MCM2: variants seen among roughly 807,000 people sequenced by gnomAD.
MCM2 encodes the protein minichromosome maintenance complex component 2, also known as DNA replication licensing factor MCM2.
In MCM2, 49 loss-of-function variants were observed where a neutral mutation model predicts 86.4. The observed-to-expected ratio is 0.57, with a 90% CI of 0.45 to 0.72. The LOEUF (loss-of-function observed/expected upper bound fraction) is 0.72. MCM2 is among the 30% of genes least tolerant of loss of function. MCM2 has a pLI of 0.00. For missense variants in MCM2, 1,038 were observed against 1,259.9 expected, an observed-to-expected ratio of 0.82 and a Z score of 2.67; for synonymous variants, 475 against 484.6, an observed-to-expected ratio of 0.98 and a Z score of 0.26.
At position 127,606,372 on chromosome 3, in the gene MCM2, G is replaced by C. The variant is rs373868728; in HGVS notation, c.893+35G>C. 1 of 1,602,886 alleles carries C rather than the reference G, an allele frequency of 6.2e-7. No individual in the cohort carries two copies. The highest frequency in any genetic ancestry group is 8.5e-7 in the Non-Finnish European group (1 of 1,170,618). ...GGGCAGGTGAGGATGGCAGGTCCGA[G>C]CTCAGTGCTGGGTGACTCGGTCGTG... On this transcript the variant is annotated intron_variant, in intron 5 of 15. Coordinates refer to ENST00000265056, the MANE Select transcript of MCM2 (RefSeq NM_004526.4). This position sits in a 1 kb window ranked among gnomAD's most constrained non-coding sequence, Gnocchi z 4.2.
At chr3:127,615,050 G>A (rs1576418207) in intron 8 of MCM2, among the ~76,000 whole-genome samples, 1 of 152,338 alleles carries the variant, frequency 6.6e-6, no homozygotes, top group Non-Finnish European at 1.5e-5. Flanking sequence ...GATGCAGCCT[G>A]ATGGGGGTGT....
intron 8 of MCM2, among the ~76,000 whole-genome samples, chr3:127,614,394 G>A (rs543114739): frequency 6.6e-6 from 1 of 152,190 alleles, no homozygotes; most frequent in South Asian, 2.1e-4. Context: ...GTTTTTTACA[G>A]CTTCTTGGAG....
At chr3:127,614,900 G>A (rs1330375833) in intron 8 of MCM2, among the ~76,000 whole-genome samples, 2 of 152,134 alleles carry the variant, frequency 1.3e-5, no homozygotes, top group Non-Finnish European at 2.9e-5. Flanking sequence ...GGCTTCTCTT[G>A]TACATTTCCA....
chr3:127,621,599 G>T, intron 15 of MCM2, 64 bp from the exon 16 acceptor site: 2 of 1,051,862 alleles, frequency 1.9e-6, no homozygotes, highest in East Asian at 2.4e-5. Flanking sequence ...ACTGTAACTG[G>T]GGCGCTCTGG....
intron 8 of MCM2, among the ~76,000 whole-genome samples, chr3:127,614,996 C>A (rs1203210937): frequency 6.6e-6 from 1 of 152,194 alleles, no homozygotes; most frequent in African/African-American, 2.4e-5. Flanking sequence ...GTTAGAGACA[C>A]CTCTAAAGCT....
chr3:127,608,368 T>C lies in MCM2; in HGVS notation c.1102-14T>C. On this transcript the variant is annotated splice_polypyrimidine_tract_variant and intron_variant, in intron 6 of 15. Transcript: ENST00000265056. ...TAAGTCAGTGATTTGAGGCCTTCTGTGTGTCCCTCGCAGACCATCTATCAG... is the reference window on the plus strand; with the variant it reads ...TAAGTCAGTGATTTGAGGCCTTCTGCGTGTCCCTCGCAGACCATCTATCAG... The C allele has an allele frequency of 6.2e-7, 1 of 1,613,634 alleles. No homozygotes were observed. Among genetic ancestry groups the C allele is most frequent in the Admixed American group, 1.7e-5 (1 of 59,998 alleles).
intron 2 of MCM2, among the ~76,000 whole-genome samples, chr3:127,601,305 C>T (rs557873613): frequency 1.5e-4 from 23 of 152,298 alleles, no homozygotes; most frequent in African/African-American, 5.5e-4. Flanking sequence ...CTTCCTCAAG[C>T]CTTTTGGCGA....
chr3:127,618,050 G>T lies in MCM2; in HGVS notation c.1982G>T (p.Cys661Phe). 1 of 1,614,128 alleles carries T rather than the reference G, an allele frequency of 6.2e-7. No homozygotes were observed. Among genetic ancestry groups the T allele is most frequent in the Non-Finnish European group, 8.5e-7 (1 of 1,179,998 alleles). Residue 661 changes from cysteine to phenylalanine, a missense_variant, in exon 12 of 16, where the codon TGT becomes TTT. This residue lies in a region of MCM2 where 336 missense variants were observed against 425.7 expected (regional missense o/e 0.79). Coordinates refer to ENST00000265056, the MANE Select transcript of MCM2 (RefSeq NM_004526.4). This position sits in a 1 kb window ranked among gnomAD's most constrained non-coding sequence, Gnocchi z 4.0. ...EPIISRFDIL[C>F]VVRDTVDPVQ... ...ATCATCTCACGCTTTGACATCCTGT[G>T]TGTGGTGAGGGACACCGTGGACCCA...
chr3:127,608,400 C>G lies in MCM2; in HGVS notation c.1120C>G (p.Gln374Glu). 1 of 1,614,198 alleles carries G rather than the reference C, an allele frequency of 6.2e-7. No individual in the cohort carries two copies. Among genetic ancestry groups the G allele is most frequent in the Non-Finnish European group, 8.5e-7 (1 of 1,180,036 alleles). ...CTCGCAGACCATCTATCAGAACTACCAGCGTATCCGAATCCAGGAGAGTCC... is the reference window on the plus strand; with the variant it reads ...CTCGCAGACCATCTATCAGAACTACGAGCGTATCCGAATCCAGGAGAGTCC... Reference protein sequence around the residue: ...NMEETIYQNYQRIRIQESPGK... With the variant: ...NMEETIYQNYERIRIQESPGK... Residue 374 changes from glutamine (Q) to glutamate (E), a missense_variant, in exon 7 of 16, where the codon CAG (glutamine) becomes GAG (glutamate). Coordinates refer to ENST00000265056, the MANE Select transcript of MCM2 (RefSeq NM_004526.4).
intron 4 of MCM2, 151 bp from the exon 5 acceptor site, chr3:127,605,967 G>A (rs1469094131): frequency 9.5e-6 from 6 of 634,184 alleles, no homozygotes; most frequent in Non-Finnish European, 1.7e-5. Flanking sequence ...TGTCACAGCT[G>A]AAGTGTGGTA....
intron 8 of MCM2, among the ~76,000 whole-genome samples, chr3:127,615,159 G>A (rs1234593951): frequency 6.6e-6 from 1 of 152,190 alleles, no homozygotes; most frequent in African/African-American, 2.4e-5. Context: ...TACAAGGAGG[G>A]AAGGATGTGG....
chr3:127,614,704 T>C (rs993192969), intron 8 of MCM2, among the ~76,000 whole-genome samples: 13 of 152,222 alleles, frequency 8.5e-5, no homozygotes, highest in African/African-American at 2.7e-4. Flanking sequence ...CCAGGTGACC[T>C]GGGTATCATA....
At chr3:127,599,292 T>A in intron 1 of MCM2, 26 bp from the exon 2 acceptor site, 1 of 1,607,664 alleles carries the variant, frequency 6.2e-7, no homozygotes, top group South Asian at 1.1e-5. Context: ...TTCCTAGGTT[T>A]CTGACAACCG....
chr3:127,620,830 G>A lies in MCM2; in HGVS notation c.2398G>A (p.Glu800Lys), dbSNP rs769378160. The A allele has an allele frequency of 1.2e-6, 2 of 1,613,810 alleles. No homozygotes were observed. The highest frequency in any genetic ancestry group is 4.5e-5 in the East Asian group (2 of 44,874). Reference sequence around the variant, plus strand: ...CAACATGGCCATCCGCGTGATGCTGGAGAGCTTCATAGACACACAGAAGTT... The same window carrying A: ...CAACATGGCCATCCGCGTGATGCTGAAGAGCTTCATAGACACACAGAAGTT... ...DVNMAIRVMLESFIDTQKFSV... is the reference protein window; with the variant it reads ...DVNMAIRVMLKSFIDTQKFSV... Residue 800 changes from glutamate to lysine, a missense_variant, in exon 14 of 16, where the codon GAG becomes AAG. Coordinates refer to ENST00000265056, the MANE Select transcript of MCM2 (RefSeq NM_004526.4).
chr3:127,598,594 G>T, intron 1 of MCM2, 122 bp downstream of exon 1: 1 of 1,333,310 alleles, frequency 7.5e-7, no homozygotes, highest in Non-Finnish European at 1.0e-6. Flanking sequence ...CAGGCTCTGG[G>T]GCGCAGCTAC....
rs761756992 is a variant in MCM2, at chr3:127,620,820, C to T, written c.2388C>T (p.Arg796=). 5.6e-6 allele frequency: 9 copies of T among 1,613,988 alleles called. No homozygotes were observed. Among genetic ancestry groups the T allele is most frequent in the South Asian group, 1.1e-5 (1 of 91,062 alleles). ...VIEDDVNMAI[R]VMLESFIDTQ... is the part of the protein sequence containing the mutation. ...AAGACGACGTCAACATGGCCATCCG[C>T]GTGATGCTGGAGAGCTTCATAGACA... The change falls in exon 14 of 16, where the codon CGC becomes CGT. Residue 796 remains arginine (R), a synonymous_variant. Transcript: ENST00000265056.
At chr3:127,608,238 G>A (rs563141956) in intron 6 of MCM2, 144 bp from the exon 7 acceptor site, 239 of 1,005,214 alleles carry the variant, frequency 2.4e-4, no homozygotes, top group Non-Finnish European at 3.3e-4. Flanking sequence ...GTGCTGAGTC[G>A]CCATGAACTC....
At position 127,606,508 on chromosome 3, in the gene MCM2, G is replaced by C. The variant is rs1339988358; in HGVS notation, c.894-102G>C. ...GTGATGGGAGGGATCTTCCCGGGCT[G>C]GGGGCTGGGCCCAATTTCCAGGACA... On this transcript the variant is annotated intron_variant, in intron 5 of 15. Coordinates refer to ENST00000265056, the MANE Select transcript of MCM2 (RefSeq NM_004526.4). The surrounding 1 kb of genome is among the most constrained non-coding windows in gnomAD (Gnocchi z 4.2). 3.1e-5 allele frequency: 39 copies of C among 1,277,404 alleles called. No homozygotes were observed. The highest frequency in any genetic ancestry group is 4.2e-5 in the Non-Finnish European group (38 of 902,068). 79.1% of individuals were successfully genotyped at this position (1,277,404 alleles called of 1,614,324 possible).
rs758737769 is a variant in MCM2 at position 127,606,787 on chromosome 3, G to T, written c.1071G>T (p.Ser357=). The T allele has an allele frequency of 6.2e-7, 1 of 1,614,206 alleles. No individual in the cohort carries two copies. The highest frequency in any genetic ancestry group is 1.7e-5 in the Admixed American group (1 of 60,032). ...VKPGSCPECQ[S]AGPFEVNMEE... Reference sequence around the variant, plus strand: ...CAGGCTCCTGTCCTGAGTGCCAGTCGGCCGGCCCCTTTGAGGTCAACATGG... The same window carrying T: ...CAGGCTCCTGTCCTGAGTGCCAGTCTGCCGGCCCCTTTGAGGTCAACATGG... The change falls in exon 6 of 16, where the codon TCG becomes TCT. Residue 357 remains serine (S), a synonymous_variant. Transcript: ENST00000265056. The surrounding 1 kb of genome is among the most constrained non-coding windows in gnomAD (Gnocchi z 4.2).
Sources: gnomAD v4.1 joint callset for allele counts (sites outside exome capture counted in the v4.1 genomes callset) on GRCh38, gnomAD v4.1.1 for gene constraint, gnomAD v4.1.1 regional missense constraint, Gnocchi (gnomAD v3.1) non-coding constraint, MANE v1.5 for transcripts, NCBI Gene and HGNC (gene_info 2026-07-23, HGNC 2026-07-21) for gene names.